SCFD1: variants seen among roughly 807,000 people sequenced by gnomAD.
The protein encoded by SCFD1 is sec1 family domain containing 1.
SCFD1 carries 37 observed loss-of-function variants against 103.2 expected under a neutral mutation model. The ratio of observed to expected loss-of-function variants is 0.36; its 90% confidence interval spans 0.28 to 0.47. The LOEUF is 0.47. Ranked by LOEUF, SCFD1 falls within the 20% of genes least tolerant of loss-of-function variation. The probability of loss-of-function intolerance (pLI) is 1.00; values close to 1 mark genes in which losing one functional copy is unlikely to be tolerated. For missense variants in SCFD1, 639 were observed against 761.2 expected, an observed-to-expected ratio of 0.84 and a Z score of 1.89; for synonymous variants, 264 against 245.0, an observed-to-expected ratio of 1.08 and a Z score of -0.73.
intron 18 of SCFD1, 93 bp from the exon 19 acceptor site, chr14:30,707,897 C>A: frequency 1.1e-6 from 1 of 870,390 alleles, no homozygotes; most frequent in Non-Finnish European, 2.0e-6. Context: ...CGAGCATCAG[C>A]ATGTGGTGTG....
rs2889991 is a variant in SCFD1, at chr14:30,683,037, A to T, written c.1242+7972A>T. 9,881 of 1,334,300 alleles carry T rather than the reference A, an allele frequency of 7.4e-3. 532 individuals carry two copies. The African/African-American group carries it at 0.12, about 16-fold the overall frequency. The allele number at this position is 1,334,300 out of a possible 1,614,324, so 82.7% of individuals were successfully genotyped here. ...AAGACGACACAAGGACAGGCTGGGC[A>T]GCCTGGGTCAGGGCTCCTGACTGGT... On this transcript the variant is annotated intron_variant, in intron 14 of 24. Coordinates refer to ENST00000458591, the MANE Select transcript of SCFD1 (RefSeq NM_016106.4).
chr14:30,721,997 C>A, intron 22 of SCFD1, 80 bp downstream of exon 22: 3 of 1,020,518 alleles, frequency 2.9e-6, no homozygotes, highest in Non-Finnish European at 4.5e-6. Flanking sequence ...CTGTACCAAA[C>A]ATGGCTTTAT....
chr14:30,710,519 C>T (rs1891799870), intron 19 of SCFD1, among the ~76,000 whole-genome samples: 1 of 152,006 alleles, frequency 6.6e-6, no homozygotes, highest in South Asian at 2.1e-4. Flanking sequence ...AATACTCAGG[C>T]TTACCTAAGC....
At chr14:30,630,679 T>C in intron 3 of SCFD1, 114 bp downstream of exon 3, 1 of 644,564 alleles carries the variant, frequency 1.6e-6, no homozygotes, top group Non-Finnish European at 2.7e-6. Context: ...CTGTATCTTC[T>C]TTATTCAACC....
At chr14:30,641,301 AT>A (rs1885250917) in intron 6 of SCFD1, among the ~76,000 whole-genome samples, 2 of 152,154 alleles carry the variant, frequency 1.3e-5, no homozygotes, top group Admixed American at 1.3e-4. Flanking sequence ...GAGCAAGGAG[AT>A]TTATTATCTC....
intron 19 of SCFD1, among the ~76,000 whole-genome samples, chr14:30,709,535 TTA>T (rs1348705081): frequency 1.3e-5 from 2 of 152,160 alleles, no homozygotes; most frequent in Admixed American, 1.3e-4. Flanking sequence ...CCTGGCCTCA[TTA>T]TCCCTTTTAG....
intron 10 of SCFD1, among the ~76,000 whole-genome samples, chr14:30,668,891 T>G (rs139640893): frequency 6.6e-6 from 1 of 152,180 alleles, no homozygotes; most frequent in Non-Finnish European, 1.5e-5. Context: ...CAGTAAAAAT[T>G]CAGGAAACAA....
chr14:30,727,990 C>A (rs1159241108), intron 23 of SCFD1, among the ~76,000 whole-genome samples: 2 of 152,144 alleles, frequency 1.3e-5, no homozygotes, highest in African/African-American at 4.8e-5. Flanking sequence ...GAGGTATTAT[C>A]TTCATGTCAT....
chr14:30,680,789 A>G (rs891001852), intron 14 of SCFD1, among the ~76,000 whole-genome samples: 1 of 152,122 alleles, frequency 6.6e-6, no homozygotes, highest in African/African-American at 2.4e-5. Flanking sequence ...CAAAAAATAG[A>G]GAGTAGAAGG....
intron 1 of SCFD1, among the ~76,000 whole-genome samples, chr14:30,626,142 G>A (rs1226727386): frequency 6.6e-6 from 1 of 151,396 alleles, no homozygotes; most frequent in African/African-American, 2.4e-5. Context: ...GTGTTAAACT[G>A]TTTTTTTGTT....
intron 16 of SCFD1, among the ~76,000 whole-genome samples, chr14:30,701,000 G>C (rs1240912132): frequency 1.3e-5 from 2 of 152,294 alleles, no homozygotes; most frequent in East Asian, 3.9e-4. Context: ...GACTTCTTCT[G>C]GGTTAGAGAC....
chr14:30,673,220 A>G (rs1888713356), intron 11 of SCFD1, 37 bp from the exon 12 acceptor site: 2 of 1,106,624 alleles, frequency 1.8e-6, no homozygotes, highest in African/African-American at 1.6e-5. Context: ...TGGTCTTTTA[A>G]TGTCATCCTC....
chr14:30,710,558 CT>C lies in SCFD1; in HGVS notation c.1629+2495del, dbSNP rs564721396. 3.0e-3 allele frequency among the ~76,000 whole-genome samples: 454 copies of C among 152,164 alleles called. 1 individual carries two copies. Among genetic ancestry groups the C allele is most frequent in the Non-Finnish European group, 5.1e-3 (345 of 67,966 alleles). ...AAATGTTAGTTTTTTCTGGGTACAT[CT>C]TCATCTCTGGTTACTACTGTCCACG... On this transcript the variant is annotated intron_variant, in intron 19 of 24. Coordinates refer to ENST00000458591, the MANE Select transcript of SCFD1 (RefSeq NM_016106.4).
chr14:30,718,288 C>G (rs1043620426), intron 20 of SCFD1, among the ~76,000 whole-genome samples: 3 of 152,204 alleles, frequency 2.0e-5, no homozygotes, highest in African/African-American at 7.2e-5. Context: ...CCAGCATACA[C>G]ATTCCTTCCA....
chr14:30,652,944 G>A (rs1886542361), intron 9 of SCFD1, among the ~76,000 whole-genome samples: 2 of 152,094 alleles, frequency 1.3e-5, no homozygotes, highest in African/African-American at 2.4e-5. Flanking sequence ...GGGAAGTCAA[G>A]GCTGCAGTGA....
At chr14:30,634,508 C>T (rs1436428814) in intron 4 of SCFD1, among the ~76,000 whole-genome samples, 1 of 152,118 alleles carries the variant, frequency 6.6e-6, no homozygotes, top group Non-Finnish European at 1.5e-5. Context: ...CGGTTCAGTA[C>T]TACCTGGTTT....
At chr14:30,670,195 A>G in intron 10 of SCFD1, 61 bp from the exon 11 acceptor site, 2 of 1,360,190 alleles carry the variant, frequency 1.5e-6, no homozygotes, top group Middle Eastern at 2.5e-4. Flanking sequence ...AAAGGGCAAC[A>G]AGATTCTATT....
chr14:30,735,423 G>A lies in SCFD1; in HGVS notation c.1906-163G>A, dbSNP rs371683712. Among the ~76,000 whole-genome samples the A allele has an allele frequency of 6.6e-5, 10 of 152,150 alleles. No homozygotes were observed. The East Asian group carries it at 1.4e-3, about 21-fold the overall frequency. On this transcript the variant is annotated intron_variant, in intron 24 of 24. Coordinates refer to ENST00000458591, the MANE Select transcript of SCFD1 (RefSeq NM_016106.4). ...CATGAGCCACCATGACCAGCCTTCA[G>A]TTTTAACATTTGAGTTAGTGGTGAA... is the stretch of plus-strand genomic sequence containing the variant.
chr14:30,647,615 T>C (rs1354567874), intron 7 of SCFD1, among the ~76,000 whole-genome samples: 1 of 152,158 alleles, frequency 6.6e-6, no homozygotes, highest in African/African-American at 2.4e-5. Flanking sequence ...TTGTTTTATA[T>C]ATAAAGAAAG....
Sources: gnomAD v4.1 joint callset for allele counts (sites outside exome capture counted in the v4.1 genomes callset) on GRCh38, gnomAD v4.1.1 for gene constraint, MANE v1.5 for transcripts, NCBI Gene and HGNC (gene_info 2026-07-23, HGNC 2026-07-21) for gene names.